NBEA: variants seen among roughly 807,000 people sequenced by gnomAD.
The protein encoded by NBEA is lysosomal-trafficking regulator 2.
In NBEA, 44 loss-of-function variants were observed where a neutral mutation model predicts 343.4. That is an observed-to-expected ratio of 0.13 (90% CI 0.10 to 0.16). The LOEUF is 0.16. Ranked by LOEUF, NBEA falls within the 10% of genes least tolerant of loss-of-function variation. The pLI is 1.00. For missense variants in NBEA, 2,555 were observed against 3,631.3 expected (o/e 0.70, Z 7.62); for synonymous variants, 1,175 against 1,238.7 (o/e 0.95, Z 1.08).
At chr13:35,012,069 A>C (rs1315194921) in intron 1 of NBEA, among the ~76,000 whole-genome samples, 1 of 152,228 alleles carries the variant, frequency 6.6e-6, no homozygotes, top group Non-Finnish European at 1.5e-5. Flanking sequence ...TGGAAAAATA[A>C]GGCAACTTAA....
chr13:34,997,324 T>C (rs2060973994), intron 1 of NBEA, among the ~76,000 whole-genome samples: 1 of 152,200 alleles, frequency 6.6e-6, no homozygotes, highest in Admixed American at 6.5e-5. Flanking sequence ...CTAGCTGGGC[T>C]CTCCATGAGG....
At chr13:34,996,194 G>T (rs966622927) in intron 1 of NBEA, among the ~76,000 whole-genome samples, 1 of 152,100 alleles carries the variant, frequency 6.6e-6, no homozygotes, top group Non-Finnish European at 1.5e-5. Flanking sequence ...GATTATTACT[G>T]TAAAGCTTAA....
At chr13:35,582,047 G>A (rs2081075231) in intron 45 of NBEA, among the ~76,000 whole-genome samples, 1 of 152,056 alleles carries the variant, frequency 6.6e-6, no homozygotes, top group African/African-American at 2.4e-5. Context: ...AGCACTTTGG[G>A]AGGCCCAGGC....
intron 38 of NBEA, among the ~76,000 whole-genome samples, chr13:35,362,463 AT>A (rs1344586527): frequency 6.6e-6 from 1 of 151,984 alleles, no homozygotes; most frequent in Admixed American, 6.6e-5. Flanking sequence ...TTTATATAAT[AT>A]AAAATGTCCA....
intron 41 of NBEA, among the ~76,000 whole-genome samples, chr13:35,505,119 C>A (rs184481532): frequency 2.6e-5 from 4 of 151,978 alleles, no homozygotes; most frequent in African/African-American, 9.6e-5. Flanking sequence ...GAGGCTATGC[C>A]ATTAGCATAC....
At chr13:35,135,506 A>T (rs1166062295) in intron 17 of NBEA, among the ~76,000 whole-genome samples, 4 of 152,194 alleles carry the variant, frequency 2.6e-5, no homozygotes, top group Non-Finnish European at 4.4e-5. Context: ...TAATGGGAAG[A>T]CTCAATTATA....
At chr13:35,040,160 A>T (rs1388439578) in intron 1 of NBEA, among the ~76,000 whole-genome samples, 1 of 152,130 alleles carries the variant, frequency 6.6e-6, no homozygotes, top group East Asian at 1.9e-4. Flanking sequence ...TTTAAGAATG[A>T]TGCTTTTAAC....
chr13:34,943,150 G>T (rs1364289058), intron 1 of NBEA, 36 bp downstream of exon 1: 1 of 1,608,080 alleles, frequency 6.2e-7, no homozygotes, highest in Non-Finnish European at 8.5e-7. Flanking sequence ...TGCTTCCCCA[G>T]TCCCCACATA....
intron 34 of NBEA, among the ~76,000 whole-genome samples, chr13:35,252,997 T>C (rs2032152287): frequency 6.6e-6 from 1 of 152,178 alleles, no homozygotes; most frequent in Admixed American, 6.5e-5. Flanking sequence ...GATTGCATCC[T>C]GACAGGGCTG....
At chr13:35,478,282 C>G (rs1467593991) in intron 41 of NBEA, among the ~76,000 whole-genome samples, 1 of 152,224 alleles carries the variant, frequency 6.6e-6, no homozygotes, top group Non-Finnish European at 1.5e-5. Flanking sequence ...CACCCAGCTA[C>G]TCTATTTCCC....
chr13:35,159,143 C>A lies in NBEA; in HGVS notation c.2972C>A (p.Thr991Lys). ...VSTISGLSSQ[T>K]TGAKGGMEIR... ...ACCATCTCTGGTCTTTCATCACAGA[C>A]AACAGGAGCAAAAGGTGGAATGGAA... The change falls in exon 22 of 59, where the codon ACA becomes AAA. Residue 991 changes from threonine (T) to lysine (K), a missense_variant. Thr to Lys is a moderately conservative substitution (Grantham distance 78). This residue lies in a region of NBEA where 367 missense variants were observed against 377.5 expected (regional missense o/e 0.97). Coordinates refer to ENST00000379939, the MANE Select transcript of NBEA (RefSeq NM_001385012.1). 1 of 1,613,512 alleles carries A rather than the reference C, an allele frequency of 6.2e-7. No homozygotes were observed. The highest frequency in any genetic ancestry group is 8.5e-7 in the Non-Finnish European group (1 of 1,179,628).
intron 41 of NBEA, among the ~76,000 whole-genome samples, chr13:35,477,613 G>A (rs1033468781): frequency 6.6e-6 from 1 of 152,276 alleles, no homozygotes; most frequent in South Asian, 2.1e-4. Flanking sequence ...TAACTATCCC[G>A]AAAAATTGAA....
At chr13:35,623,978 C>A (rs867779239) in intron 48 of NBEA, among the ~76,000 whole-genome samples, 17 of 151,776 alleles carry the variant, frequency 1.1e-4, no homozygotes, top group African/African-American at 3.9e-4. Context: ...ATTTCATGTA[C>A]GGCTATAAAT....
intron 40 of NBEA, among the ~76,000 whole-genome samples, chr13:35,455,239 A>T (rs1288411852): frequency 6.6e-6 from 1 of 152,116 alleles, no homozygotes; most frequent in African/African-American, 2.4e-5. Flanking sequence ...AGGCATAGAG[A>T]TAAGCAGATA....
At chr13:35,211,029 TA>T in intron 32 of NBEA, 23 bp from the exon 33 acceptor site, 2 of 1,543,610 alleles carry the variant, frequency 1.3e-6, no homozygotes, top group Non-Finnish European at 1.7e-6. Flanking sequence ...TGTTTAAGGC[TA>T]AAAATTATTA....
At chr13:35,207,728 C>T (rs367978711) in intron 31 of NBEA, among the ~76,000 whole-genome samples, 1 of 152,052 alleles carries the variant, frequency 6.6e-6, no homozygotes, top group African/African-American at 2.4e-5. Context: ...GTTAAAGAAA[C>T]CAAGGCTCAA....
chr13:34,974,622 C>T (rs958265443), intron 1 of NBEA, among the ~76,000 whole-genome samples: 24 of 151,992 alleles, frequency 1.6e-4, no homozygotes, highest in East Asian at 9.7e-4. Context: ...GAGAATTGCC[C>T]GTATGAGTAC....
chr13:34,987,726 G>A (rs1016325978), intron 1 of NBEA, among the ~76,000 whole-genome samples: 8 of 150,306 alleles, frequency 5.3e-5, no homozygotes, highest in Middle Eastern at 3.2e-3. Context: ...TTCTCTTCTC[G>A]CTTTATTTCA....
At chr13:35,001,668 G>A (rs1258782397) in intron 1 of NBEA, among the ~76,000 whole-genome samples, 3 of 152,098 alleles carry the variant, frequency 2.0e-5, no homozygotes, top group African/African-American at 7.2e-5. Context: ...TGGAGGCTGG[G>A]AAAGGGAGGA....
Sources: allele counts gnomAD v4.1 joint callset (sites outside exome capture counted in the v4.1 genomes callset), GRCh38; gene constraint gnomAD v4.1.1; regional missense constraint gnomAD v4.1.1; transcripts MANE v1.5; gene names NCBI Gene and HGNC (gene_info 2026-07-23, HGNC 2026-07-21).